HTR1F: variants seen among roughly 807,000 people sequenced by gnomAD.
The protein encoded by HTR1F is 5-hydroxytryptamine (serotonin) receptor 1F, G protein-coupled.
Under a neutral mutation model 24.0 loss-of-function variants are expected in HTR1F, and 17 were observed. That is an observed-to-expected ratio of 0.71 (90% CI 0.48 to 1.06). The LOEUF (loss-of-function observed/expected upper bound fraction) is 1.06, where lower values mean the gene tolerates loss of function less well. HTR1F is among the 50% of genes least tolerant of loss of function. HTR1F has a pLI of 0.00. For synonymous variants in HTR1F, 186 were observed against 156.8 expected (o/e 1.19, Z -1.39); for missense variants, 391 against 427.8 (o/e 0.91, Z 0.76).
intron 2 of HTR1F, among the ~76,000 whole-genome samples, chr3:87,876,553 C>T (rs1286586613): frequency 1.3e-5 from 2 of 151,862 alleles, no homozygotes; most frequent in Non-Finnish European, 2.9e-5. Context: ...TGAAATAAGC[C>T]ACAAAATGCT....
intron 2 of HTR1F, among the ~76,000 whole-genome samples, chr3:87,876,936 C>T (rs566107573): frequency 3.3e-5 from 5 of 151,924 alleles, no homozygotes; most frequent in South Asian, 2.1e-4. Context: ...GGTAAATTTT[C>T]GTTAAGATGG....
Position 87,891,554 on chromosome 3 carries a change from A to T in HTR1F, c.-43+69430A>T, listed in dbSNP as rs1422563347. 3.9e-5 allele frequency among the ~76,000 whole-genome samples: 6 copies of T among 152,184 alleles called. 1 individual carries two copies. The South Asian group carries it at 8.3e-4, about 21-fold the overall frequency. The stretch of plus-strand genomic sequence containing the variant: ...ATGGAACTTTTCCTGCAAAACCCTT[A>T]CATTGCTTTTCTTTGCCTGAAAAGA... On this transcript the variant is annotated intron_variant, in intron 2 of 2. Coordinates refer to ENST00000319595, the MANE Select transcript of HTR1F (RefSeq NM_001322209.2).
chr3:87,954,652 CAA>C (rs1045352581), intron 2 of HTR1F, among the ~76,000 whole-genome samples: 4 of 151,400 alleles, frequency 2.6e-5, no homozygotes, highest in Admixed American at 1.3e-4. Flanking sequence ...TTAATGAAAA[CAA>C]AGAGAAAGTT....
chr3:87,823,734 C>T (rs1041967411), intron 2 of HTR1F, among the ~76,000 whole-genome samples: 1 of 151,884 alleles, frequency 6.6e-6, no homozygotes, highest in Non-Finnish European at 1.5e-5. Context: ...CCTCCTCAGC[C>T]TCCCAAAGTG....
intron 2 of HTR1F, among the ~76,000 whole-genome samples, chr3:87,826,469 C>T (rs972116461): frequency 5.3e-5 from 8 of 152,148 alleles, no homozygotes; most frequent in Non-Finnish European, 1.5e-5. Flanking sequence ...CTCATAAAGT[C>T]CATGTCTTTT....
intron 2 of HTR1F, among the ~76,000 whole-genome samples, chr3:87,857,713 A>G: frequency 6.6e-6 from 1 of 152,136 alleles, no homozygotes; most frequent in East Asian, 1.9e-4. Context: ...TACATTTGTT[A>G]CAACTGATGA....
At chr3:87,918,334 A>C (rs1242768083) in intron 2 of HTR1F, among the ~76,000 whole-genome samples, 1 of 151,906 alleles carries the variant, frequency 6.6e-6, no homozygotes, top group East Asian at 1.9e-4. Context: ...TACTCTCACC[A>C]CTCCTCTTCA....
At chr3:87,804,341 A>G (rs1221580715) in intron 1 of HTR1F, among the ~76,000 whole-genome samples, 8 of 152,092 alleles carry the variant, frequency 5.3e-5, no homozygotes. Flanking sequence ...GGAGGCTGAA[A>G]TGAGAGTAAT....
chr3:87,835,271 C>G (rs141291008), intron 2 of HTR1F, among the ~76,000 whole-genome samples: 3,835 of 151,192 alleles, frequency 0.025, 344 homozygotes, highest in Admixed American at 0.19. Context: ...ACCCTTACCC[C>G]CAAGACCCCC....
At chr3:87,835,869 C>A (rs114017876) in intron 2 of HTR1F, among the ~76,000 whole-genome samples, 5,997 of 152,208 alleles carry the variant, frequency 0.039, 156 homozygotes, top group Non-Finnish European at 0.062. Flanking sequence ...TCTGGGTCTG[C>A]ACATTATAAA....
intron 1 of HTR1F, among the ~76,000 whole-genome samples, chr3:87,804,538 T>TGG (rs2107078077): frequency 6.6e-6 from 1 of 152,282 alleles, no homozygotes; most frequent in Non-Finnish European, 1.5e-5. Flanking sequence ...TCTCAATTCT[T>TGG]GATTTTGGTA....
intron 2 of HTR1F, among the ~76,000 whole-genome samples, chr3:87,827,261 C>A (rs1259322796): frequency 6.6e-6 from 1 of 152,024 alleles, no homozygotes; most frequent in Admixed American, 6.6e-5. Context: ...CCCGCAACCC[C>A]CAACAGGCCC....
chr3:87,913,587 C>T (rs570681675), intron 2 of HTR1F, among the ~76,000 whole-genome samples: 2 of 152,174 alleles, frequency 1.3e-5, no homozygotes, highest in South Asian at 4.1e-4. Context: ...TGGATATATA[C>T]CCAAAGAAAT....
chr3:87,918,060 T>A (rs1703934237), intron 2 of HTR1F, among the ~76,000 whole-genome samples: 1 of 151,946 alleles, frequency 6.6e-6, no homozygotes, highest in Non-Finnish European at 1.5e-5. Flanking sequence ...AAGGATGATT[T>A]AACATACACA....
chr3:87,907,198 T>TTTA (rs1553674504), intron 2 of HTR1F, among the ~76,000 whole-genome samples: 1 of 43,752 alleles, frequency 2.3e-5, no homozygotes, highest in African/African-American at 5.3e-4. Flanking sequence ...CCAACATTTA[T>TTTA]TTTTTTTTTT....
chr3:87,889,766 T>C (rs76348184), intron 2 of HTR1F, among the ~76,000 whole-genome samples: 1,737 of 152,316 alleles, frequency 0.011, 28 homozygotes, highest in African/African-American at 0.039. Context: ...CACTAAGTAA[T>C]TGCCAACTTG....
At chr3:87,848,648 G>C (rs1474013201) in intron 2 of HTR1F, among the ~76,000 whole-genome samples, 1 of 151,724 alleles carries the variant, frequency 6.6e-6, no homozygotes, top group Non-Finnish European at 1.5e-5. Flanking sequence ...ATTCAATTAG[G>C]AAAAGAGGAA....
intron 1 of HTR1F, among the ~76,000 whole-genome samples, chr3:87,816,772 T>G (rs1704258041): frequency 6.6e-6 from 1 of 152,106 alleles, no homozygotes; most frequent in South Asian, 2.1e-4. Context: ...GTGACTAAAA[T>G]AAGGTTAACA....
intron 2 of HTR1F, among the ~76,000 whole-genome samples, chr3:87,890,761 T>A (rs1162118156): frequency 6.6e-6 from 1 of 152,158 alleles, no homozygotes. Flanking sequence ...AGTTTATTAT[T>A]TTAAAAAGTA....
Sources: gnomAD v4.1 joint callset for allele counts (sites outside exome capture counted in the v4.1 genomes callset) on GRCh38, gnomAD v4.1.1 for gene constraint, MANE v1.5 for transcripts, NCBI Gene and HGNC (gene_info 2026-07-23, HGNC 2026-07-21) for gene names.